The following ZMYM1 variants were observed in gnomAD, a reference collection of about 807,000 sequenced individuals.
ZMYM1 encodes the protein zinc finger MYM-type protein 1.
Under a neutral mutation model 60.0 loss-of-function variants are expected in ZMYM1, and 39 were observed. The observed-to-expected ratio is 0.65, with a 90% CI of 0.50 to 0.85. The LOEUF is 0.85. ZMYM1 is among the 40% of genes least tolerant of loss of function. ZMYM1 has a pLI of 0.00. For synonymous variants in ZMYM1, 413 were observed against 454.0 expected (o/e 0.91, Z 1.15); for missense variants, 1,171 against 1,309.5 (o/e 0.89, Z 1.63).
At chr1:35,107,076 C>T (rs1643914963) in intron 6 of ZMYM1, among the ~76,000 whole-genome samples, 1 of 149,958 alleles carries the variant, frequency 6.7e-6, no homozygotes, top group Non-Finnish European at 1.5e-5. Context: ...TGGTCTCAAT[C>T]TCCTGACCTC....
chr1:35,077,787 C>T (rs1642193466), upstream of ZMYM1, among the ~76,000 whole-genome samples: 1 of 152,214 alleles, frequency 6.6e-6, no homozygotes, highest in African/African-American at 2.4e-5. Flanking sequence ...TTCCCAAATG[C>T]TCGAGGAGAC....
intron 2 of ZMYM1, 95 bp downstream of exon 2, chr1:35,094,178 A>G (rs1369078153): frequency 1.0e-6 from 1 of 997,588 alleles, no homozygotes; most frequent in Non-Finnish European, 1.5e-6. Context: ...GAAAAACTCA[A>G]ATCCTTATCT....
chr1:35,088,072 T>A (rs1642753439), intron 1 of ZMYM1, among the ~76,000 whole-genome samples: 1 of 149,144 alleles, frequency 6.7e-6, no homozygotes, highest in Non-Finnish European at 1.5e-5. Context: ...GAAAAAAAAA[T>A]GAATGTGAAT....
chr1:35,110,338 G>A lies in ZMYM1; in HGVS notation c.852G>A (p.Lys284=). Residue 284 remains lysine (K), a synonymous_variant, in exon 7 of 10, where the codon AAG becomes AAA. Transcript: ENST00000359858. The stretch of plus-strand genomic sequence containing the variant: ...TATCTGTTCCTTGCAAACCATTGAA[G>A]CCCTCAGATGAAATGATTGAGACTA... ...PLISVPCKPL[K]PSDEMIETTS... is the part of the protein sequence containing the mutation. 6.3e-7 allele frequency: 1 copy of A among 1,582,418 alleles called. No homozygotes were observed. Among genetic ancestry groups the A allele is most frequent in the Non-Finnish European group, 8.6e-7 (1 of 1,167,756 alleles).
intron 1 of ZMYM1, among the ~76,000 whole-genome samples, chr1:35,091,017 T>C (rs535411097): frequency 1.3e-5 from 2 of 151,916 alleles, no homozygotes; most frequent in African/African-American, 4.8e-5. Flanking sequence ...AGAAGAAGAA[T>C]AATTCCAGGT....
intron 4 of ZMYM1, among the ~76,000 whole-genome samples, chr1:35,099,754 A>G (rs1288532903): frequency 6.6e-6 from 1 of 152,102 alleles, no homozygotes; most frequent in East Asian, 1.9e-4. Context: ...TTTTGCAGAG[A>G]CAGAGTCACT....
intron 1 of ZMYM1, among the ~76,000 whole-genome samples, chr1:35,089,784 C>T (rs148326305): frequency 0.018 from 1,622 of 91,928 alleles, 21 homozygotes; most frequent in Non-Finnish European, 0.023. Flanking sequence ...CTTGTTCTGT[C>T]ACCCAGACTG....
At chr1:35,087,431 CTTT>C (rs11367127) in intron 1 of ZMYM1, among the ~76,000 whole-genome samples, 1 of 142,096 alleles carries the variant, frequency 7.0e-6, no homozygotes. Flanking sequence ...CTTGCATTTT[CTTT>C]TTTTTTTTTG....
intron 6 of ZMYM1, among the ~76,000 whole-genome samples, chr1:35,107,105 C>T (rs1257998524): frequency 6.7e-6 from 1 of 150,014 alleles, no homozygotes; most frequent in Admixed American, 6.6e-5. Context: ...CCCGCCTCGG[C>T]CTCCCAAAGT....
chr1:35,060,570 T>G (rs751352390), intron 1 of ZMYM1, among the ~76,000 whole-genome samples: 4 of 152,066 alleles, frequency 2.6e-5, no homozygotes, highest in Non-Finnish European at 4.4e-5. Context: ...CTGAACTAAG[T>G]CAGAGGGCAA....
chr1:35,085,453 G>A (rs544226427), intron 1 of ZMYM1, among the ~76,000 whole-genome samples: 1 of 152,346 alleles, frequency 6.6e-6, no homozygotes. Context: ...AGGAAGGAAA[G>A]CAGTATGAGG....
At position 35,115,238 on chromosome 1, in the gene ZMYM1, C is replaced by T. The variant is rs190358882; in HGVS notation, c.3408C>T (p.Ile1136=). The T allele has an allele frequency of 1.9e-6, 3 of 1,592,426 alleles. No homozygotes were observed. The East Asian group carries it at 6.7e-5, about 36-fold the overall frequency. ...ERLNEIVEKF[I]SQMKEI Reference sequence around the variant, plus strand: ...TCAATGAAATTGTGGAAAAGTTTATCAGTCAGATGAAAGAAATATAATACA... The same window carrying T: ...TCAATGAAATTGTGGAAAAGTTTATTAGTCAGATGAAAGAAATATAATACA... Residue 1136 remains isoleucine (I), a synonymous_variant, in exon 10 of 10, where the codon ATC becomes ATT. Transcript: ENST00000359858.
At chr1:35,079,674 G>C (rs1557635432) in intron 1 of ZMYM1, among the ~76,000 whole-genome samples, 1 of 152,198 alleles carries the variant, frequency 6.6e-6, no homozygotes. Context: ...GGGGGGGTTA[G>C]TGCTCCCCGC....
chr1:35,107,304 CA>C (rs1161051800), intron 6 of ZMYM1, among the ~76,000 whole-genome samples: 371 of 109,744 alleles, frequency 3.4e-3, no homozygotes, highest in South Asian at 7.0e-3. Flanking sequence ...ACTAAAAATA[CA>C]AAAAAAAAAA....
chr1:35,098,006 C>G (rs1643430630), intron 4 of ZMYM1, among the ~76,000 whole-genome samples: 1 of 152,084 alleles, frequency 6.6e-6, no homozygotes, highest in Non-Finnish European at 1.5e-5. Context: ...GTTTTTTCTA[C>G]TTTTAGTTCC....
At chr1:35,066,414 T>G (rs934012523) in intron 1 of ZMYM1, among the ~76,000 whole-genome samples, 1 of 152,170 alleles carries the variant, frequency 6.6e-6, no homozygotes, top group Non-Finnish European at 1.5e-5. Flanking sequence ...GCCAGGCTGG[T>G]CCTGAACTCC....
intron 1 of ZMYM1, among the ~76,000 whole-genome samples, chr1:35,065,306 T>C (rs965561044): frequency 2.0e-5 from 3 of 149,590 alleles, no homozygotes; most frequent in Admixed American, 6.6e-5. Context: ...AAAAAAAAAA[T>C]GACTTTTATG....
intron 1 of ZMYM1, chr1:35,093,426 G>A (rs1279181640): frequency 1.3e-5 from 2 of 152,440 alleles, no homozygotes; most frequent in Non-Finnish European, 2.9e-5. Context: ...AGCCTCCCGA[G>A]TAGCTGGGAT....
intron 1 of ZMYM1, among the ~76,000 whole-genome samples, chr1:35,090,195 C>T (rs1438775572): frequency 3.3e-5 from 5 of 152,014 alleles, no homozygotes; most frequent in East Asian, 1.9e-4. Context: ...CGTGAGCCAC[C>T]GAGCCTGGCC....
Sources: gnomAD v4.1 joint callset for allele counts (sites outside exome capture counted in the v4.1 genomes callset) on GRCh38, gnomAD v4.1.1 for gene constraint, MANE v1.5 for transcripts, NCBI Gene and HGNC (gene_info 2026-07-23, HGNC 2026-07-21) for gene names.